SH3BGRL2: variants seen among roughly 807,000 people sequenced by gnomAD.
SH3BGRL2 encodes SH3 domain-binding glutamic acid-rich-like protein 2.
In SH3BGRL2, 21 loss-of-function variants were observed where a neutral mutation model predicts 14.8. That is an observed-to-expected ratio of 1.42 (90% confidence interval 1.01 to 2.05). The LOEUF is 2.05. SH3BGRL2 is among the 30% of genes most tolerant of loss of function. The pLI is 0.00. For synonymous variants in SH3BGRL2, 50 were observed against 47.8 expected (o/e 1.05, Z -0.19); for missense variants, 147 against 130.8 (o/e 1.12, Z -0.61).
chr6:79,634,184 C>T (rs1768880020), intron 1 of SH3BGRL2, among the ~76,000 whole-genome samples: 1 of 152,190 alleles, frequency 6.6e-6, no homozygotes, highest in Admixed American at 6.5e-5. Context: ...AGAAAATCAT[C>T]CTGTTTTCTT....
At chr6:79,633,096 T>C (rs1266699743) in intron 1 of SH3BGRL2, among the ~76,000 whole-genome samples, 1 of 152,246 alleles carries the variant, frequency 6.6e-6, no homozygotes, top group Non-Finnish European at 1.5e-5. Context: ...ATCTTTGTTT[T>C]TTCAGTGCCA....
intron 1 of SH3BGRL2, among the ~76,000 whole-genome samples, chr6:79,663,917 T>G (rs1198362457): frequency 6.6e-6 from 1 of 152,184 alleles, no homozygotes; most frequent in African/African-American, 2.4e-5. Flanking sequence ...CGCAGGTTGA[T>G]GTCAGACTGC....
the SH3BGRL2 span, among the ~76,000 whole-genome samples, chr6:79,539,448 T>A: frequency 1.3e-5 from 2 of 152,214 alleles, no homozygotes; most frequent in Non-Finnish European, 2.9e-5. Context: ...CAGACTCTTG[T>A]TTTTAAAGAT....
intron 1 of SH3BGRL2, among the ~76,000 whole-genome samples, chr6:79,634,553 A>C (rs770036887): frequency 5.9e-5 from 9 of 152,170 alleles, no homozygotes; most frequent in Non-Finnish European, 7.3e-5. Flanking sequence ...AAACATTGAA[A>C]TCCGTCAATT....
At chr6:79,695,001 T>C (rs2235878) in intron 2 of SH3BGRL2, among the ~76,000 whole-genome samples, 57,773 of 152,036 alleles carry the variant, frequency 0.38, 12,612 homozygotes, top group South Asian at 0.55. Context: ...TGATTTCTTT[T>C]GGTACTTAAG....
chr6:79,610,192 A>G, the SH3BGRL2 span, among the ~76,000 whole-genome samples: 2 of 152,266 alleles, frequency 1.3e-5, no homozygotes, highest in Non-Finnish European at 2.9e-5. Context: ...AGAATGAAAT[A>G]GAAATTAGAT....
chr6:79,684,035 G>A (rs577547908), intron 2 of SH3BGRL2, among the ~76,000 whole-genome samples: 2 of 152,242 alleles, frequency 1.3e-5, no homozygotes, highest in African/African-American at 2.4e-5. Context: ...AACAAAAAAA[G>A]CAAAAGTCCA....
intron 2 of SH3BGRL2, among the ~76,000 whole-genome samples, chr6:79,680,204 TTTA>T (rs1353410949): frequency 2.0e-5 from 3 of 152,208 alleles, no homozygotes; most frequent in Non-Finnish European, 4.4e-5. Context: ...TTCTAGGAGT[TTTA>T]TAGTTTTGGT....
intron 1 of SH3BGRL2, among the ~76,000 whole-genome samples, chr6:79,660,281 A>G (rs189604765): frequency 1.4e-3 from 209 of 152,298 alleles, no homozygotes; most frequent in African/African-American, 4.9e-3. Context: ...TGGGTTTGTC[A>G]TAAATAGCTC....
At chr6:79,564,996 G>T in the SH3BGRL2 span, among the ~76,000 whole-genome samples, 1 of 152,124 alleles carries the variant, frequency 6.6e-6, no homozygotes, top group African/African-American at 2.4e-5. Flanking sequence ...GAACACGGAA[G>T]AAATGGATTT....
At chr6:79,611,037 C>A in the SH3BGRL2 span, among the ~76,000 whole-genome samples, 1 of 152,150 alleles carries the variant, frequency 6.6e-6, no homozygotes, top group Non-Finnish European at 1.5e-5. Flanking sequence ...TAGACTTTGT[C>A]ATTTTGACTA....
intron 2 of SH3BGRL2, among the ~76,000 whole-genome samples, chr6:79,692,836 G>A (rs1049129217): frequency 3.3e-5 from 5 of 152,172 alleles, no homozygotes; most frequent in African/African-American, 1.2e-4. Context: ...ACTTGGCGAT[G>A]CGGGCTCTTT....
At chr6:79,655,293 C>A (rs890353964) in intron 1 of SH3BGRL2, among the ~76,000 whole-genome samples, 1 of 152,118 alleles carries the variant, frequency 6.6e-6, no homozygotes, top group African/African-American at 2.4e-5. Context: ...TTCCCCTAAA[C>A]TACTTTTGTA....
chr6:79,578,750 A>G, the SH3BGRL2 span, among the ~76,000 whole-genome samples: 4 of 152,184 alleles, frequency 2.6e-5, no homozygotes, highest in Admixed American at 6.5e-5. Flanking sequence ...TCTCCCACAA[A>G]GGATTGCAGC....
At chr6:79,673,990 C>T (rs948041035) in intron 2 of SH3BGRL2, among the ~76,000 whole-genome samples, 191 bp downstream of exon 2, 4 of 151,672 alleles carry the variant, frequency 2.6e-5, no homozygotes, top group Non-Finnish European at 5.9e-5. Context: ...TATGTATGTG[C>T]GAGGGTTGTG....
intron 2 of SH3BGRL2, among the ~76,000 whole-genome samples, chr6:79,689,244 C>T (rs1343754275): frequency 6.6e-6 from 1 of 151,934 alleles, no homozygotes; most frequent in Non-Finnish European, 1.5e-5. Flanking sequence ...AATTTCTATT[C>T]TTTTGGGTGG....
At chr6:79,695,990 A>G (rs1023105113) in intron 2 of SH3BGRL2, among the ~76,000 whole-genome samples, 2 of 152,168 alleles carry the variant, frequency 1.3e-5, no homozygotes, top group African/African-American at 2.4e-5. Flanking sequence ...CTCTAAGGAG[A>G]TGGTCTCAAA....
chr6:79,578,656 C>G, the SH3BGRL2 span, among the ~76,000 whole-genome samples: 2 of 152,174 alleles, frequency 1.3e-5, no homozygotes, highest in Admixed American at 1.3e-4. Flanking sequence ...TCACCAACAT[C>G]AAATACCAAA....
At chr6:79,567,227 A>G in the SH3BGRL2 span, among the ~76,000 whole-genome samples, 1 of 152,228 alleles carries the variant, frequency 6.6e-6, no homozygotes, top group Non-Finnish European at 1.5e-5. Flanking sequence ...AAAAATTATA[A>G]TGAATGAAAC....
Sources: allele counts gnomAD v4.1 joint callset (sites outside exome capture counted in the v4.1 genomes callset), GRCh38; gene constraint gnomAD v4.1.1; transcripts MANE v1.5; gene names NCBI Gene and HGNC (gene_info 2026-07-23, HGNC 2026-07-21).